KIAA1328: variants seen among roughly 807,000 people sequenced by gnomAD.
KIAA1328 encodes the protein KIAA1328, also known as protein hinderin.
A neutral mutation model predicts 68.1 loss-of-function variants in KIAA1328; 52 were observed. That is an observed-to-expected ratio of 0.76 (90% CI 0.61 to 0.96). KIAA1328 has a LOEUF of 0.96. Among genes scored for constraint, KIAA1328 ranks in the 40% least tolerant of loss-of-function variants. The pLI, the probability that KIAA1328 is intolerant of heterozygous loss-of-function variation, is 0.00. For synonymous variants in KIAA1328, 232 were observed against 239.4 expected, an observed-to-expected ratio of 0.97 and a Z score of 0.28; for missense variants, 641 against 677.6, an observed-to-expected ratio of 0.95 and a Z score of 0.60.
At chr18:36,903,653 AT>A (rs2049114886) in intron 5 of KIAA1328, 2 of 152,202 alleles carry the variant, frequency 1.3e-5, no homozygotes, top group Non-Finnish European at 2.9e-5. Context: ...TGAGGAGTAA[AT>A]AATAGTATTC....
At chr18:36,989,272 T>G (rs1231352994) in intron 6 of KIAA1328, among the ~76,000 whole-genome samples, 2 of 152,202 alleles carry the variant, frequency 1.3e-5, no homozygotes, top group Non-Finnish European at 2.9e-5. Flanking sequence ...TTAAAAATCT[T>G]CTAAGAATAA....
intron 5 of KIAA1328, among the ~76,000 whole-genome samples, chr18:36,933,697 C>T (rs2050396372): frequency 6.6e-6 from 1 of 152,222 alleles, no homozygotes; most frequent in East Asian, 1.9e-4. Context: ...AGGGTGCTTC[C>T]TGGCCACTGA....
chr18:36,864,921 A>G (rs2047695477), intron 4 of KIAA1328, among the ~76,000 whole-genome samples: 1 of 151,174 alleles, frequency 6.6e-6, no homozygotes, highest in Non-Finnish European at 1.5e-5. Flanking sequence ...TTCATTTCTG[A>G]CAGTGATTTG....
intron 7 of KIAA1328, among the ~76,000 whole-genome samples, chr18:37,071,167 G>A (rs2056519884): frequency 6.8e-6 from 1 of 147,266 alleles, no homozygotes; most frequent in African/African-American, 2.5e-5. Flanking sequence ...TGACCTCCTG[G>A]GCTCAGGTGA....
At chr18:37,202,630 G>A (rs564243322) in intron 9 of KIAA1328, among the ~76,000 whole-genome samples, 1 of 152,250 alleles carries the variant, frequency 6.6e-6, no homozygotes, top group East Asian at 1.9e-4. Flanking sequence ...AGGAAATTTG[G>A]TGATTTCTGT....
At chr18:37,032,366 A>G (rs972518761) in intron 6 of KIAA1328, among the ~76,000 whole-genome samples, 1 of 152,090 alleles carries the variant, frequency 6.6e-6, no homozygotes, top group Admixed American at 6.6e-5. Context: ...AATATTTTAA[A>G]TAGATATGAA....
At chr18:37,144,151 A>G (rs771480725) in intron 7 of KIAA1328, among the ~76,000 whole-genome samples, 3 of 152,234 alleles carry the variant, frequency 2.0e-5, no homozygotes, top group Middle Eastern at 3.4e-3. Context: ...TTGACAAGTT[A>G]TATTTTTTAA....
intron 6 of KIAA1328, among the ~76,000 whole-genome samples, chr18:37,028,170 G>A (rs915903104): frequency 1.3e-5 from 2 of 152,144 alleles, no homozygotes; most frequent in Non-Finnish European, 2.9e-5. Flanking sequence ...TTGGTTTTCT[G>A]TTCCTCCATT....
At chr18:37,143,884 G>T (rs527518902) in intron 7 of KIAA1328, among the ~76,000 whole-genome samples, 1 of 152,114 alleles carries the variant, frequency 6.6e-6, no homozygotes, top group South Asian at 2.1e-4. Context: ...TAACTTGGCC[G>T]TGATATGGTA....
At chr18:37,113,006 A>C (rs955619946) in intron 7 of KIAA1328, among the ~76,000 whole-genome samples, 1 of 152,218 alleles carries the variant, frequency 6.6e-6, no homozygotes, top group Admixed American at 6.5e-5. Context: ...ATATGGGACT[A>C]TGTGAAAAGA....
intron 7 of KIAA1328, among the ~76,000 whole-genome samples, chr18:37,105,003 T>C (rs1251322557): frequency 6.6e-6 from 1 of 152,214 alleles, no homozygotes; most frequent in East Asian, 1.9e-4. Flanking sequence ...TTCTGACTTC[T>C]CTTTAATTCT....
At chr18:36,954,603 T>C (rs772350176) in intron 5 of KIAA1328, 1 of 152,186 alleles carries the variant, frequency 6.6e-6, no homozygotes, top group South Asian at 2.1e-4. Context: ...AGTTATTACA[T>C]TGGGCGTTCT....
rs2060595959 is a variant in KIAA1328, at chr18:37,223,220, AGGTGCTCTGCTCGT to A, written c.*996_*1009del. On this transcript the variant is annotated 3_prime_UTR_variant, in exon 10 of 10. Transcript: ENST00000280020. ...AGGATACAAGCTGACCAGGCCTCACAGGTGCTCTGCTCGTGGCCCCAAAGAACCATCTCTACTTG... is the reference window on the plus strand; with the variant it reads ...AGGATACAAGCTGACCAGGCCTCACAGGCCCCAAAGAACCATCTCTACTTG... 2 of 985,148 alleles carry A rather than the reference AGGTGCTCTGCTCGT, an allele frequency of 2.0e-6. No homozygotes were observed. Among genetic ancestry groups the A allele is most frequent in the Non-Finnish European group, 2.4e-6 (2 of 829,938 alleles). The allele number at this position is 985,148 out of a possible 1,614,324, so 61.0% of individuals were successfully genotyped here. A position where few individuals can be genotyped will look rare whatever the true frequency, so the allele number is the denominator to read the frequency against.
In KIAA1328 at chr18:37,134,261, T is replaced by C. The variant is rs568134116; in HGVS notation, c.1233-25939T>C. ...CTCCTGACCTCATGATCTGCCATCC[T>C]CAGCCTCCTAAAGTGCTGGGATTAC... On this transcript the variant is annotated intron_variant, in intron 7 of 9. Coordinates refer to ENST00000280020, the MANE Select transcript of KIAA1328 (RefSeq NM_020776.3). 9.2e-5 allele frequency among the ~76,000 whole-genome samples: 14 copies of C among 152,300 alleles called. No homozygotes were observed. In the East Asian group the frequency reaches 2.3e-3, roughly 25 times the overall value.
chr18:37,211,218 A>C (rs569147298), intron 9 of KIAA1328, among the ~76,000 whole-genome samples: 1 of 152,328 alleles, frequency 6.6e-6, no homozygotes, highest in East Asian at 1.9e-4. Flanking sequence ...AAGACATTCT[A>C]GTCTGGGAAG....
chr18:36,911,739 A>G (rs771575440), intron 5 of KIAA1328, among the ~76,000 whole-genome samples: 38 of 152,244 alleles, frequency 2.5e-4, no homozygotes, highest in Non-Finnish European at 4.9e-4. Context: ...TGATCAAATT[A>G]CTTTTTAAAG....
intron 7 of KIAA1328, among the ~76,000 whole-genome samples, chr18:37,152,760 ATTAT>A (rs950663661): frequency 6.6e-6 from 1 of 152,316 alleles, no homozygotes; most frequent in Non-Finnish European, 1.5e-5. Context: ...CTAAAAAGAA[ATTAT>A]TTAAGCAGTT....
chr18:37,032,180 A>C (rs544513315), intron 6 of KIAA1328, among the ~76,000 whole-genome samples: 1 of 152,150 alleles, frequency 6.6e-6, no homozygotes, highest in African/African-American at 2.4e-5. Flanking sequence ...ACCCTGTCTC[A>C]AAAACAAAAA....
At chr18:36,979,951 A>G (rs1241645837) in intron 6 of KIAA1328, among the ~76,000 whole-genome samples, 1 of 152,186 alleles carries the variant, frequency 6.6e-6, no homozygotes, top group Non-Finnish European at 1.5e-5. Flanking sequence ...TATTTAGGTC[A>G]TGAGGGTCTC....
Sources: gnomAD v4.1 joint callset for allele counts (sites outside exome capture counted in the v4.1 genomes callset) on GRCh38, gnomAD v4.1.1 for gene constraint, MANE v1.5 for transcripts, NCBI Gene and HGNC (gene_info 2026-07-23, HGNC 2026-07-21) for gene names.